The following SLIT3 variants were observed in gnomAD, a reference collection of about 807,000 sequenced individuals.
SLIT3 encodes slit homolog 3 protein.
A neutral mutation model predicts 184.0 loss-of-function variants in SLIT3; 68 were observed. That is an observed-to-expected ratio of 0.37 (90% CI 0.30 to 0.45). SLIT3 has a LOEUF of 0.45. SLIT3 is among the 20% of genes least tolerant of loss of function. The pLI is 1.00. For missense variants in SLIT3, 1,707 were observed against 2,026.0 expected, an observed-to-expected ratio of 0.84 and a Z score of 3.02; for synonymous variants, 831 against 828.6, an observed-to-expected ratio of 1.00 and a Z score of -0.05.
At chr5:168,716,505 T>C (rs1227646076) in intron 23 of SLIT3, among the ~76,000 whole-genome samples, 1 of 152,256 alleles carries the variant, frequency 6.6e-6, no homozygotes, top group East Asian at 1.9e-4. Flanking sequence ...ATCACTGTCA[T>C]GACTCCTCCT....
At chr5:169,159,674 G>A (rs1762417112) in intron 4 of SLIT3, among the ~76,000 whole-genome samples, 2 of 152,132 alleles carry the variant, frequency 1.3e-5, no homozygotes. Context: ...TACTCGGGAG[G>A]CTGAGGCAGA....
chr5:169,104,389 A>G (rs967999567), intron 4 of SLIT3, among the ~76,000 whole-genome samples: 2 of 152,126 alleles, frequency 1.3e-5, no homozygotes, highest in Non-Finnish European at 2.9e-5. Flanking sequence ...ACATTTTCCA[A>G]TTTCCTCTTG....
chr5:168,838,144 G>A (rs1168161582), intron 6 of SLIT3, among the ~76,000 whole-genome samples: 3 of 152,142 alleles, frequency 2.0e-5, no homozygotes, highest in Non-Finnish European at 4.4e-5. Flanking sequence ...TGTGTGTTCC[G>A]GTAGGTGCTT....
chr5:168,751,244 T>G (rs897115290), intron 18 of SLIT3, among the ~76,000 whole-genome samples: 3 of 152,172 alleles, frequency 2.0e-5, no homozygotes, highest in Admixed American at 1.3e-4. Context: ...TGATTCCAAG[T>G]GCAGTAGGCA....
intron 9 of SLIT3, 32 bp from the exon 10 acceptor site, chr5:168,795,610 C>T (rs766334358): frequency 1.9e-6 from 3 of 1,566,818 alleles, no homozygotes; most frequent in East Asian, 4.5e-5. Context: ...AGTGAATTAA[C>T]CATCCACCTG....
At chr5:168,806,326 G>A in intron 9 of SLIT3, 120 bp downstream of exon 9, 1 of 1,057,970 alleles carries the variant, frequency 9.5e-7, no homozygotes, top group South Asian at 1.5e-5. Flanking sequence ...AGATTCCTGA[G>A]TGTTTTTAAT....
intron 4 of SLIT3, among the ~76,000 whole-genome samples, chr5:168,961,900 G>C (rs1449143507): frequency 6.6e-6 from 1 of 152,038 alleles, no homozygotes; most frequent in Non-Finnish European, 1.5e-5. Flanking sequence ...GTGAAAGACA[G>C]AGAATTGGTC....
intron 12 of SLIT3, among the ~76,000 whole-genome samples, chr5:168,777,226 G>A (rs538969689): frequency 6.6e-6 from 1 of 152,088 alleles, no homozygotes; most frequent in South Asian, 2.1e-4. Context: ...CCTTTAGATA[G>A]GACATATGCT....
At chr5:168,749,765 C>T in intron 18 of SLIT3, 130 bp from the exon 19 acceptor site, 1 of 880,450 alleles carries the variant, frequency 1.1e-6, no homozygotes, top group Non-Finnish European at 1.8e-6. Flanking sequence ...GGCTCTTCCC[C>T]AGATGCAGTC....
chr5:169,218,549 G>A (rs1764519841), intron 3 of SLIT3, among the ~76,000 whole-genome samples: 1 of 152,206 alleles, frequency 6.6e-6, no homozygotes, highest in Non-Finnish European at 1.5e-5. Context: ...GGGATTGAGA[G>A]TTTAGAGCTC....
chr5:169,116,447 C>T (rs141699187), intron 4 of SLIT3, among the ~76,000 whole-genome samples: 154 of 152,238 alleles, frequency 1.0e-3, no homozygotes, highest in African/African-American at 3.5e-3. Context: ...GGCAAAGTAC[C>T]AAGATATCTC....
At chr5:169,060,187 C>G (rs1758133084) in intron 4 of SLIT3, among the ~76,000 whole-genome samples, 1 of 152,180 alleles carries the variant, frequency 6.6e-6, no homozygotes, top group Middle Eastern at 3.2e-3. Context: ...GTCAGGAGCT[C>G]AAGACCAGCT....
intron 5 of SLIT3, among the ~76,000 whole-genome samples, chr5:168,850,560 T>C (rs1758632150): frequency 6.6e-6 from 1 of 152,242 alleles, no homozygotes. Flanking sequence ...AGATAATTGA[T>C]TGTTAGCATT....
intron 4 of SLIT3, among the ~76,000 whole-genome samples, chr5:168,895,393 A>G (rs112129934): frequency 2.0e-5 from 3 of 152,156 alleles, no homozygotes; most frequent in East Asian, 3.8e-4. Flanking sequence ...TGGGACTTGT[A>G]TATGTCTGTG....
At chr5:168,813,553 AAG>A (rs1310176964) in intron 8 of SLIT3, among the ~76,000 whole-genome samples, 2 of 152,224 alleles carry the variant, frequency 1.3e-5, no homozygotes, top group African/African-American at 4.8e-5. Context: ...AGTTAATAAA[AAG>A]ATAAAGCTCT....
chr5:168,686,792 C>T (rs527893009), intron 30 of SLIT3, among the ~76,000 whole-genome samples, 187 bp downstream of exon 30: 63 of 152,366 alleles, frequency 4.1e-4, no homozygotes, highest in Non-Finnish European at 5.9e-5. Flanking sequence ...ATTACCAATA[C>T]CTGCTCTATT....
chr5:168,951,313 G>A (rs572571718), intron 4 of SLIT3, among the ~76,000 whole-genome samples: 7 of 152,160 alleles, frequency 4.6e-5, no homozygotes, highest in Non-Finnish European at 8.8e-5. Context: ...CTAAGCCATG[G>A]GGGGCAGGGA....
At chr5:169,169,064 C>T (rs901956010) in intron 4 of SLIT3, among the ~76,000 whole-genome samples, 1 of 152,128 alleles carries the variant, frequency 6.6e-6, no homozygotes, top group African/African-American at 2.4e-5. Flanking sequence ...TTTTCTAACT[C>T]GCACAGAGGT....
chr5:168,876,645 T>G (rs1759743213), intron 5 of SLIT3, among the ~76,000 whole-genome samples: 1 of 152,258 alleles, frequency 6.6e-6, no homozygotes, highest in Non-Finnish European at 1.5e-5. Context: ...TGTCATTTCC[T>G]GAGTGAAGCC....
Sources: allele counts gnomAD v4.1 joint callset (sites outside exome capture counted in the v4.1 genomes callset), GRCh38; gene constraint gnomAD v4.1.1; transcripts MANE v1.5; gene names NCBI Gene and HGNC (gene_info 2026-07-23, HGNC 2026-07-21).